MAT1A: variants seen among roughly 807,000 people sequenced by gnomAD.
MAT1A encodes the protein S-adenosylmethionine synthase isoform type-1.
A neutral mutation model predicts 44.0 loss-of-function variants in MAT1A; 19 were observed. The ratio of observed to expected loss-of-function variants is 0.43; its 90% CI spans 0.30 to 0.63. The LOEUF is 0.63. MAT1A is among the 30% of genes least tolerant of loss of function. The probability of loss-of-function intolerance (pLI) is 0.12; values close to 1 mark genes in which losing one functional copy is unlikely to be tolerated. For synonymous variants in MAT1A, 205 were observed against 205.6 expected (o/e 1.00, Z 0.03); for missense variants, 397 against 531.0 (o/e 0.75, Z 2.48).
chr10:80,278,562 C>A (rs895124369), intron 5 of MAT1A, among the ~76,000 whole-genome samples: 11 of 152,244 alleles, frequency 7.2e-5, no homozygotes, highest in Non-Finnish European at 1.3e-4. Flanking sequence ...GCTCTCCTAA[C>A]TCACAACCTC....
In MAT1A at chr10:80,275,212, A is replaced by G. The variant is rs778665724; in HGVS notation, c.769-13T>C. The G allele has an allele frequency of 7.5e-6, 12 of 1,609,028 alleles. No individual in the cohort carries two copies. In the South Asian group the frequency reaches 1.3e-4, roughly 18 times the overall value. ...CACCCGCATCCCCCTGCAGAGGGAG[A>G]GAAATCAAGATAAGAAGCAGAGCCA... On this transcript the variant is annotated splice_polypyrimidine_tract_variant and intron_variant, in intron 6 of 8. Coordinates refer to ENST00000372213, the MANE Select transcript of MAT1A (RefSeq NM_000429.3).
In MAT1A at chr10:80,276,368, G is replaced by A. The variant is rs759792429; in HGVS notation, c.768+8C>T. ...AAACCAGGGCTTCGTTCAGAGACAA[G>A]AATGCACCTGGGGACCTCCGATGAC... On this transcript the variant is annotated splice_region_variant and intron_variant, in intron 6 of 8. Transcript: ENST00000372213. 1.2e-6 allele frequency: 2 copies of A among 1,613,736 alleles called. No individual in the cohort carries two copies. The highest frequency in any genetic ancestry group is 2.7e-5 in the African/African-American group (2 of 74,942).
rs551717040 is a variant in MAT1A, at chr10:80,274,918, C to T, written c.951+99G>A. 7.8e-5 allele frequency: 111 copies of T among 1,425,650 alleles called. No homozygotes were observed. The African/African-American group carries it at 1.3e-3, about 16-fold the overall frequency. 88.3% of individuals were successfully genotyped at this position (1,425,650 alleles called of 1,614,324 possible). A position where few individuals can be genotyped will look rare whatever the true frequency, so the allele number is the denominator to read the frequency against. ...CACACAATCACAACCTTTGGCAAAG[C>T]ATGCAGCTTTCCCACCGGGCCAACA... On this transcript the variant is annotated intron_variant, in intron 7 of 8. Coordinates refer to ENST00000372213, the MANE Select transcript of MAT1A (RefSeq NM_000429.3).
At chr10:80,277,409 A>G (rs906281041) in intron 5 of MAT1A, among the ~76,000 whole-genome samples, 1 of 151,992 alleles carries the variant, frequency 6.6e-6, no homozygotes, top group East Asian at 1.9e-4. Context: ...TCAAACTCCT[A>G]CTCTGTGTTC....
intron 8 of MAT1A, 137 bp downstream of exon 8, chr10:80,274,383 G>T: frequency 8.0e-7 from 1 of 1,245,634 alleles, no homozygotes; most frequent in Non-Finnish European, 1.2e-6. Context: ...GATGCACTGT[G>T]CTGTACCAAG....
At chr10:80,276,009 C>A (rs2027314) in intron 6 of MAT1A, among the ~76,000 whole-genome samples, 5,341 of 152,292 alleles carry the variant, frequency 0.035, 329 homozygotes, top group African/African-American at 0.12. Flanking sequence ...GAAACAGCCA[C>A]CCGGGAACAG....
chr10:80,273,405 T>C lies in MAT1A; in HGVS notation c.*376A>G, dbSNP rs558059610. The C allele has an allele frequency of 6.3e-6, 2 of 316,860 alleles. No individual in the cohort carries two copies. Among genetic ancestry groups the C allele is most frequent in the South Asian group, 5.6e-5 (2 of 35,438 alleles). The allele number at this position is 316,860 out of a possible 1,614,324, so 19.6% of individuals were successfully genotyped here. On this transcript the variant is annotated 3_prime_UTR_variant, in exon 9 of 9. Transcript: ENST00000372213. Reference sequence around the variant, plus strand: ...GGCCCACAAGGAGCCCTGAGGCCTGTTGAGATGTGCTGACCTCACCTGGCA... The same window carrying C: ...GGCCCACAAGGAGCCCTGAGGCCTGCTGAGATGTGCTGACCTCACCTGGCA...
intron 5 of MAT1A, 76 bp from the exon 6 acceptor site, chr10:80,276,670 A>G: frequency 1.4e-6 from 2 of 1,474,792 alleles, no homozygotes; most frequent in Admixed American, 1.7e-5. Context: ...AGACACAGGC[A>G]CCCAGGAGGT....
At position 80,289,633 on chromosome 10, in the gene MAT1A, A is replaced by G; in HGVS notation, c.-210T>C. ...AGGGAGGGAGTGGATGGAACACGGG[A>G]TGTGTCCCTCCCTCCAGCTTGCCAC... is the stretch of plus-strand genomic sequence containing the variant. On this transcript the variant is annotated 5_prime_UTR_variant, in exon 1 of 9. Transcript: ENST00000372213. The G allele has an allele frequency of 1.7e-6, 1 of 605,814 alleles. No homozygotes were observed. Among genetic ancestry groups the G allele is most frequent in the Non-Finnish European group, 3.0e-6 (1 of 333,774 alleles). The allele number at this position is 605,814 out of a possible 1,614,324, so 37.5% of individuals were successfully genotyped here.
intron 2 of MAT1A, among the ~76,000 whole-genome samples, chr10:80,284,853 G>A (rs915309939): frequency 2.0e-5 from 3 of 152,212 alleles, no homozygotes; most frequent in East Asian, 1.9e-4. Context: ...ACAAATAAAG[G>A]TGAAGATCTT....
chr10:80,285,376 A>G (rs1389605490), intron 2 of MAT1A, 136 bp downstream of exon 2: 1 of 742,254 alleles, frequency 1.3e-6, no homozygotes, highest in Non-Finnish European at 2.5e-6. Flanking sequence ...AGGTCTCATA[A>G]TTGAGAAATC....
At chr10:80,278,169 G>C (rs1213311995) in intron 5 of MAT1A, among the ~76,000 whole-genome samples, 1 of 152,198 alleles carries the variant, frequency 6.6e-6, no homozygotes, top group Non-Finnish European at 1.5e-5. Context: ...GGTCCTGCCT[G>C]TGGCAGGGAA....
intron 8 of MAT1A, 87 bp from the exon 9 acceptor site, chr10:80,273,970 G>A (rs557681544): frequency 1.5e-5 from 14 of 941,702 alleles, no homozygotes; most frequent in Middle Eastern, 2.4e-4. Context: ...AGGGAGCAAC[G>A]AACTGTAACA....
In MAT1A at chr10:80,276,546, T is replaced by G. The variant is rs1230453029; in HGVS notation, c.598A>C (p.Ile200Leu). The change falls in exon 6 of 9, where the codon ATC (isoleucine) becomes CTC (leucine). Residue 200 changes from isoleucine (I) to leucine (L), a missense_variant. Transcript: ENST00000372213. ...QDNGAVIPVRIHTIVISVQHN... is the reference protein window; with the variant it reads ...QDNGAVIPVRLHTIVISVQHN... ...TGCACAGAGATGACGATGGTGTGGA[T>G]GCGCACAGGGATGACTGCGCCATTG... 4 of 1,613,914 alleles carry G rather than the reference T, an allele frequency of 2.5e-6. No individual in the cohort carries two copies. In the East Asian group the frequency reaches 8.9e-5, roughly 36 times the overall value.
chr10:80,273,910 A>AT (rs1564645193), intron 8 of MAT1A, 27 bp from the exon 9 acceptor site: 1 of 1,482,688 alleles, frequency 6.7e-7, no homozygotes, highest in Non-Finnish European at 9.4e-7. Flanking sequence ...AAGGAAGGGC[A>AT]TTGGAAGATG....
At chr10:80,276,320 T>C in intron 6 of MAT1A, 56 bp downstream of exon 6, 8 of 1,575,406 alleles carry the variant, frequency 5.1e-6, no homozygotes, top group Non-Finnish European at 7.0e-6. Flanking sequence ...CTCTGAGACA[T>C]AAGCAACCCC....
intron 3 of MAT1A, 87 bp from the exon 4 acceptor site, chr10:80,280,879 A>T (rs1212497362): frequency 2.1e-6 from 2 of 968,172 alleles, no homozygotes; most frequent in Admixed American, 1.7e-5. Context: ...GGTTCCTGAC[A>T]TGCCATTTGG....
intron 2 of MAT1A, among the ~76,000 whole-genome samples, chr10:80,285,254 A>T (rs1841633327): frequency 6.6e-6 from 1 of 152,112 alleles, no homozygotes. Flanking sequence ...TGCTGGTCCA[A>T]CCCTCTGCTA....
At position 80,289,495 on chromosome 10, in the gene MAT1A, T is replaced by TTTTCTTC. The variant is rs145126070; in HGVS notation, c.-73_-72insGAAGAAA. ...GGCTGTGACTTTGCCTGAGTTTTTT[T>TTTTCTTC]TTCTTCTTCTTCTTCTTCTTTCAAC... On this transcript the variant is annotated 5_prime_UTR_variant, in exon 1 of 9. Coordinates refer to ENST00000372213, the MANE Select transcript of MAT1A (RefSeq NM_000429.3). The TTTTCTTC allele has an allele frequency of 2.2e-4, 191 of 863,486 alleles. No individual in the cohort carries two copies. The highest frequency in any genetic ancestry group is 4.5e-4 in the East Asian group (17 of 37,552). 53.5% of individuals were successfully genotyped at this position (863,486 alleles called of 1,614,324 possible).
Sources: gnomAD v4.1 joint callset for allele counts (sites outside exome capture counted in the v4.1 genomes callset) on GRCh38, gnomAD v4.1.1 for gene constraint, MANE v1.5 for transcripts, NCBI Gene and HGNC (gene_info 2026-07-23, HGNC 2026-07-21) for gene names.